ARHGEF3: variants seen among roughly 807,000 people sequenced by gnomAD.
ARHGEF3 encodes Rho guanine nucleotide exchange factor 3, also known as 59.8 kDA protein.
A neutral mutation model predicts 63.2 loss-of-function variants in ARHGEF3; 28 were observed. The observed-to-expected ratio is 0.44, with a 90% confidence interval of 0.33 to 0.61. ARHGEF3 has a LOEUF of 0.61. ARHGEF3 is among the 20% of genes least tolerant of loss of function. The pLI is 0.03. For synonymous variants in ARHGEF3, 266 were observed against 254.2 expected (o/e 1.05, Z -0.44); for missense variants, 533 against 659.3 (o/e 0.81, Z 2.10).
At chr3:56,853,332 T>G (rs2039742036) in intron 4 of ARHGEF3, among the ~76,000 whole-genome samples, 1 of 152,126 alleles carries the variant, frequency 6.6e-6, no homozygotes, top group African/African-American at 2.4e-5. Flanking sequence ...CAATTTTTAT[T>G]TATTATTTTT....
chr3:56,774,926 C>CA (rs562504829), intron 1 of ARHGEF3: 17,605 of 973,512 alleles, frequency 0.018, 31 homozygotes, highest in African/African-American at 0.036. Context: ...ACAACAACAA[C>CA]AAAAAAAAAA....
intron 3 of ARHGEF3, among the ~76,000 whole-genome samples, chr3:56,882,622 G>T (rs535847989): frequency 2.0e-5 from 3 of 147,674 alleles, no homozygotes; most frequent in African/African-American, 7.5e-5. Flanking sequence ...CGGTTCAAGC[G>T]ATTCTCCTGC....
chr3:56,954,313 C>G (rs2106711128), intron 3 of ARHGEF3, among the ~76,000 whole-genome samples: 1 of 152,250 alleles, frequency 6.6e-6, no homozygotes, highest in East Asian at 1.9e-4. Flanking sequence ...CTCAGTGCCT[C>G]CACCCCACCC....
At chr3:56,812,190 T>C (rs2038091248) in intron 4 of ARHGEF3, among the ~76,000 whole-genome samples, 1 of 152,220 alleles carries the variant, frequency 6.6e-6, no homozygotes, top group African/African-American at 2.4e-5. Flanking sequence ...GAATACACCA[T>C]ATTTAAAACT....
intron 2 of ARHGEF3, among the ~76,000 whole-genome samples, chr3:56,968,242 ATAT>A (rs1208105284): frequency 0.098 from 3,962 of 40,632 alleles, 503 homozygotes; most frequent in Non-Finnish European, 0.13. Context: ...ATAAATATAT[ATAT>A]TAATATATAA....
At chr3:56,796,538 G>C (rs118095002) in intron 1 of ARHGEF3, among the ~76,000 whole-genome samples, 1 of 152,220 alleles carries the variant, frequency 6.6e-6, no homozygotes, top group Non-Finnish European at 1.5e-5. Flanking sequence ...TCCCACTCCC[G>C]TGGGTTGCAG....
Position 56,959,013 on chromosome 3 carries a change from G to A in ARHGEF3, c.63-124C>T, listed in dbSNP as rs1031010360. 4 of 1,022,352 alleles carry A rather than the reference G, an allele frequency of 3.9e-6. No homozygotes were observed. In the African/African-American group the frequency reaches 4.8e-5, roughly 12 times the overall value. The allele number at this position is 1,022,352 out of a possible 1,614,324, so 63.3% of individuals were successfully genotyped here. A position where few individuals can be genotyped will look rare whatever the true frequency, so the allele number is the denominator to read the frequency against. ...AAGAAATGGCCCAAACAAGGTGGAT[G>A]GAGTTTTCAACAGCTCTGCAATCTT... On this transcript the variant is annotated intron_variant, in intron 2 of 12. Coordinates refer to the ARHGEF3 transcript ENST00000338458.
At chr3:56,773,643 G>A in intron 2 of ARHGEF3, 66 bp downstream of exon 2, 2 of 1,350,122 alleles carry the variant, frequency 1.5e-6, no homozygotes, top group Non-Finnish European at 2.0e-6. Context: ...TTCTAGGTAG[G>A]ATGGGGATGT....
intron 3 of ARHGEF3, among the ~76,000 whole-genome samples, chr3:56,890,783 A>G (rs1404913272): frequency 1.3e-5 from 2 of 152,238 alleles, no homozygotes; most frequent in Admixed American, 1.3e-4. Flanking sequence ...CTGTTATTTA[A>G]TCACTGGGCT....
intron 4 of ARHGEF3, among the ~76,000 whole-genome samples, chr3:56,824,738 A>G (rs774376681): frequency 2.6e-5 from 4 of 152,178 alleles, no homozygotes; most frequent in Non-Finnish European, 5.9e-5. Flanking sequence ...AAATGAGAGG[A>G]ATGAACTACT....
intron 3 of ARHGEF3, among the ~76,000 whole-genome samples, chr3:56,754,598 A>T (rs2034955942): frequency 6.6e-6 from 1 of 152,242 alleles, no homozygotes; most frequent in Admixed American, 6.5e-5. Context: ...AATGAAATTA[A>T]CTGGATTCTA....
intron 4 of ARHGEF3, among the ~76,000 whole-genome samples, chr3:56,845,652 C>T (rs999116544): frequency 2.0e-5 from 3 of 152,178 alleles, no homozygotes; most frequent in Non-Finnish European, 2.9e-5. Flanking sequence ...TCCCTGACTT[C>T]CTAATTGATT....
intron 4 of ARHGEF3, among the ~76,000 whole-genome samples, chr3:56,864,328 A>T (rs764941148): frequency 1.3e-5 from 2 of 152,212 alleles, no homozygotes; most frequent in Non-Finnish European, 2.9e-5. Context: ...CCATCCTGCC[A>T]CAGGGCCCTT....
At chr3:57,043,106 T>C (rs1704297419) in intron 1 of ARHGEF3, among the ~76,000 whole-genome samples, 1 of 151,976 alleles carries the variant, frequency 6.6e-6, no homozygotes, top group African/African-American at 2.4e-5. Flanking sequence ...GCTTCAGTTA[T>C]ATCTGTACCA....
At chr3:57,029,089 G>A (rs889354257) in intron 2 of ARHGEF3, among the ~76,000 whole-genome samples, 2 of 151,876 alleles carry the variant, frequency 1.3e-5, no homozygotes, top group African/African-American at 4.8e-5. Flanking sequence ...CTACAGGACT[G>A]CAGCCAAGCC....
At chr3:56,869,646 C>T (rs1338340060) in intron 4 of ARHGEF3, among the ~76,000 whole-genome samples, 5 of 152,132 alleles carry the variant, frequency 3.3e-5, no homozygotes, top group Admixed American at 6.5e-5. Context: ...ACAGCTTCTG[C>T]AATTGAAACC....
At chr3:56,801,179 T>C (rs2037631078) in intron 1 of ARHGEF3, among the ~76,000 whole-genome samples, 2 of 152,194 alleles carry the variant, frequency 1.3e-5, no homozygotes, top group African/African-American at 2.4e-5. Flanking sequence ...CCACAGGTGA[T>C]AGGCAGAGGC....
At chr3:56,849,302 A>T (rs1242282216) in intron 4 of ARHGEF3, among the ~76,000 whole-genome samples, 1 of 152,216 alleles carries the variant, frequency 6.6e-6, no homozygotes. Context: ...ATTTATTTAA[A>T]ATAAAAATTA....
At chr3:57,046,738 ACT>A (rs1362039524) in intron 1 of ARHGEF3, among the ~76,000 whole-genome samples, 1 of 152,012 alleles carries the variant, frequency 6.6e-6, no homozygotes, top group Non-Finnish European at 1.5e-5. Flanking sequence ...TAACCCCCAG[ACT>A]CACACACAGA....
Sources: allele counts gnomAD v4.1 joint callset (sites outside exome capture counted in the v4.1 genomes callset), GRCh38; gene constraint gnomAD v4.1.1; transcripts MANE v1.5; gene names NCBI Gene and HGNC (gene_info 2026-07-23, HGNC 2026-07-21).